P2RY2: variants seen among roughly 807,000 people sequenced by gnomAD.
The protein encoded by P2RY2 is purinergic receptor P2Y2.
For missense variants in P2RY2, 567 were observed against 515.7 expected (o/e 1.10, Z -0.96); for synonymous variants, 241 against 231.9 (o/e 1.04, Z -0.35).
intron 2 of P2RY2, among the ~76,000 whole-genome samples, chr11:73,230,115 A>G (rs1862406218): frequency 6.6e-6 from 1 of 152,008 alleles, no homozygotes; most frequent in Non-Finnish European, 1.5e-5. Context: ...TTAGTCTCGC[A>G]AGGGGGCCTC....
At chr11:73,226,499 G>A (rs1862281781) in intron 1 of P2RY2, among the ~76,000 whole-genome samples, 1 of 152,028 alleles carries the variant, frequency 6.6e-6, no homozygotes, top group Non-Finnish European at 1.5e-5. Flanking sequence ...TTTCCCGTGT[G>A]CACCCACGCC....
At position 73,235,105 on chromosome 11, in the gene P2RY2, T is replaced by C. The variant is rs1591641017; in HGVS notation, c.946T>C (p.Phe316Leu). ...CCTGGCTGGGCAGAGGCTCGTACGC[T>C]TTGCCCGAGATGCCAAGCCACCCAC... The part of the protein sequence containing the change: ...YFLAGQRLVR[F>L]ARDAKPPTGP... The change falls in exon 3 of 3, where the codon TTT becomes CTT. Residue 316 changes from phenylalanine to leucine, a missense_variant. Phe to Leu is a conservative substitution (Grantham distance 22, BLOSUM62 0). Coordinates refer to ENST00000393597, the MANE Select transcript of P2RY2 (RefSeq NM_002564.4). The C allele has an allele frequency of 6.2e-7, 1 of 1,606,706 alleles. No homozygotes were observed. Among genetic ancestry groups the C allele is most frequent in the Non-Finnish European group, 8.5e-7 (1 of 1,178,502 alleles).
chr11:73,234,863 G>T lies in P2RY2; in HGVS notation c.704G>T (p.Gly235Val), dbSNP rs1183252174. The T allele has an allele frequency of 6.2e-7, 1 of 1,610,442 alleles. No homozygotes were observed. The highest frequency in any genetic ancestry group is 1.1e-5 in the South Asian group (1 of 91,076). ...AAGCCAGCCTACGGGACCTCGGGCG[G>T]CCTGCCTAGGGCCAAGCGCAAGTCC... ...LLKPAYGTSG[G>V]LPRAKRKSVR... The change falls in exon 3 of 3, where the codon GGC (glycine) becomes GTC (valine). Residue 235 changes from glycine to valine, a missense_variant. Physicochemically the swap from Gly to Val is moderately radical, Grantham distance 109. Coordinates refer to ENST00000393597, the MANE Select transcript of P2RY2 (RefSeq NM_002564.4).
In P2RY2 at chr11:73,237,628, A is replaced by G. The variant is rs1285588588; in HGVS notation, c.*2335A>G. On this transcript the variant is annotated 3_prime_UTR_variant, in exon 3 of 3. Transcript: ENST00000393597. The stretch of plus-strand genomic sequence containing the variant: ...CAGGCCCGAGCCACTCCACAAGGAC[A>G]CAGGAGGGGCTCGTTCACCATCTAA... 6.6e-6 allele frequency among the ~76,000 whole-genome samples: 1 copy of G among 152,138 alleles called. No individual in the cohort carries two copies. The highest frequency in any genetic ancestry group is 2.4e-5 in the African/African-American group (1 of 41,440).
At position 73,236,983 on chromosome 11, in the gene P2RY2, C is replaced by T. The variant is rs1565147570; in HGVS notation, c.*1690C>T. ...CCTCCTCTCCCTCTGGGAGAGCCCTCGCCCTGTGGCCCACTCTGCCTGCCC... is the reference window on the plus strand; with the variant it reads ...CCTCCTCTCCCTCTGGGAGAGCCCTTGCCCTGTGGCCCACTCTGCCTGCCC... On this transcript the variant is annotated 3_prime_UTR_variant, in exon 3 of 3. Transcript: ENST00000393597. The T allele has an allele frequency of 7.1e-6, 7 of 985,206 alleles. No individual in the cohort carries two copies. Among genetic ancestry groups the T allele is most frequent in the African/African-American group, 1.7e-5 (1 of 57,210 alleles). The allele number at this position is 985,206 out of a possible 1,614,324, so 61.0% of individuals were successfully genotyped here. A position where few individuals can be genotyped will look rare whatever the true frequency, so the allele number is the denominator to read the frequency against.
rs952160657 is a variant in P2RY2 at position 73,238,086 on chromosome 11, G to A, written c.*2793G>A. On this transcript the variant is annotated 3_prime_UTR_variant, in exon 3 of 3. Transcript: ENST00000393597. ...AGCTGCAGACTCAAGGCCAGAGATG[G>A]GCAGGGCTGAGCCCAAGGTCATTCA... Among the ~76,000 whole-genome samples the A allele has an allele frequency of 6.6e-6, 1 of 152,206 alleles. No homozygotes were observed. The highest frequency in any genetic ancestry group is 2.4e-5 in the African/African-American group (1 of 41,440).
rs1780403134 is a variant in P2RY2 at position 73,237,923 on chromosome 11, T to C, written c.*2630T>C. On this transcript the variant is annotated 3_prime_UTR_variant, in exon 3 of 3. Transcript: ENST00000393597. ...CTGCCTGCCCTCAAAATATCTCCTA[T>C]TACCCTCCAATATTCCCTGCCCCCT... 6.6e-6 allele frequency among the ~76,000 whole-genome samples: 1 copy of C among 152,176 alleles called. No homozygotes were observed. The highest frequency in any genetic ancestry group is 2.1e-4 in the South Asian group (1 of 4,824).
At position 73,236,881 on chromosome 11, in the gene P2RY2, A is replaced by G. The variant is rs1862666293; in HGVS notation, c.*1588A>G. Reference sequence around the variant, plus strand: ...GCTGACGTGTGGCGCTCAGCTGGACAGGGCCCCGCCCTAGCCTTTGGAAAG... The same window carrying G: ...GCTGACGTGTGGCGCTCAGCTGGACGGGGCCCCGCCCTAGCCTTTGGAAAG... On this transcript the variant is annotated 3_prime_UTR_variant, in exon 3 of 3. Coordinates refer to ENST00000393597, the MANE Select transcript of P2RY2 (RefSeq NM_002564.4). The G allele has an allele frequency of 1.0e-6, 1 of 985,056 alleles. No homozygotes were observed. The highest frequency in any genetic ancestry group is 1.2e-6 in the Non-Finnish European group (1 of 829,766). 61.0% of individuals were successfully genotyped at this position (985,056 alleles called of 1,614,324 possible).
intron 2 of P2RY2, 110 bp from the exon 3 acceptor site, chr11:73,234,046 T>C: frequency 7.5e-7 from 1 of 1,338,822 alleles, no homozygotes; most frequent in Non-Finnish European, 1.0e-6. Context: ...AGGTTCCAGG[T>C]CCAGATCCAA....
At position 73,236,923 on chromosome 11, in the gene P2RY2, ACAGGCCTCACT is replaced by A. The variant is rs895645502; in HGVS notation, c.*1632_*1642del. ...TTTGGAAAGGGACAGGGCAAAGCTG[ACAGGCCTCACT>A]CTTGATCTCAAGGACAGGGACTCCC... On this transcript the variant is annotated 3_prime_UTR_variant, in exon 3 of 3. Coordinates refer to ENST00000393597, the MANE Select transcript of P2RY2 (RefSeq NM_002564.4). The A allele has an allele frequency of 4.1e-6, 4 of 984,950 alleles. No individual in the cohort carries two copies. The highest frequency in any genetic ancestry group is 6.1e-5 in the Admixed American group (1 of 16,264). The allele number at this position is 984,950 out of a possible 1,614,324, so 61.0% of individuals were successfully genotyped here. A position where few individuals can be genotyped will look rare whatever the true frequency, so the allele number is the denominator to read the frequency against.
At position 73,236,854 on chromosome 11, in the gene P2RY2, G is replaced by A; in HGVS notation, c.*1561G>A. 2.0e-6 allele frequency: 2 copies of A among 985,372 alleles called. No homozygotes were observed. Among genetic ancestry groups the A allele is most frequent in the Non-Finnish European group, 2.4e-6 (2 of 829,904 alleles). The allele number at this position is 985,372 out of a possible 1,614,324, so 61.0% of individuals were successfully genotyped here. On this transcript the variant is annotated 3_prime_UTR_variant, in exon 3 of 3. Transcript: ENST00000393597. ...TTCTGAGTCTAGCCAGGACCACTCT[G>A]GGCTGACGTGTGGCGCTCAGCTGGA... is the stretch of plus-strand genomic sequence containing the variant.
intron 2 of P2RY2, among the ~76,000 whole-genome samples, chr11:73,231,462 CAT>C (rs1862455187): frequency 6.7e-6 from 1 of 149,398 alleles, no homozygotes; most frequent in African/African-American, 2.5e-5. Context: ...GAGGCTGAGA[CAT>C]GAGAATTGCT....
At chr11:73,218,805 C>G (rs986353465) in intron 1 of P2RY2, 2 of 152,578 alleles carry the variant, frequency 1.3e-5, no homozygotes, top group Non-Finnish European at 2.9e-5. Context: ...TGAGCGTCCC[C>G]GTGGCGTGAG....
intron 1 of P2RY2, among the ~76,000 whole-genome samples, chr11:73,224,219 T>C (rs554671607): frequency 1.3e-4 from 20 of 152,168 alleles, no homozygotes; most frequent in African/African-American, 3.1e-4. Flanking sequence ...TTGAAGGACA[T>C]TGGGGAGGAG....
chr11:73,237,404 C>G lies in P2RY2; in HGVS notation c.*2111C>G, dbSNP rs920959071. On this transcript the variant is annotated 3_prime_UTR_variant, in exon 3 of 3. Coordinates refer to ENST00000393597, the MANE Select transcript of P2RY2 (RefSeq NM_002564.4). ...CTGGGATTACAGGTATGCGCCACCA[C>G]ACCTGGCTAATTTTTGTATTTTTAA... 2.4e-4 allele frequency among the ~76,000 whole-genome samples: 37 copies of G among 152,238 alleles called. No homozygotes were observed. The highest frequency in any genetic ancestry group is 8.9e-4 in the African/African-American group (37 of 41,536).
intron 1 of P2RY2, among the ~76,000 whole-genome samples, chr11:73,220,388 T>C (rs1006675008): frequency 6.6e-6 from 1 of 152,208 alleles, no homozygotes; most frequent in African/African-American, 2.4e-5. Flanking sequence ...GGATCAAGTA[T>C]TGCCAAGTGC....
chr11:73,220,338 G>A (rs950976675), intron 1 of P2RY2, among the ~76,000 whole-genome samples: 6 of 152,194 alleles, frequency 3.9e-5, no homozygotes, highest in Middle Eastern at 3.2e-3. Flanking sequence ...TGGTCAGAGC[G>A]GCATTTCAGA....
chr11:73,235,551 C>T lies in P2RY2; in HGVS notation c.*258C>T. On this transcript the variant is annotated 3_prime_UTR_variant, in exon 3 of 3. Coordinates refer to ENST00000393597, the MANE Select transcript of P2RY2 (RefSeq NM_002564.4). ...AAAGGCAAGAGCTCAAGGTCAATGA[C>T]ACCCCTGGCCTGACTCCCATGCAAG... 2.5e-6 allele frequency: 3 copies of T among 1,207,968 alleles called. No homozygotes were observed. The highest frequency in any genetic ancestry group is 1.0e-6 in the Non-Finnish European group (1 of 963,386). 74.8% of individuals were successfully genotyped at this position (1,207,968 alleles called of 1,614,324 possible).
intron 2 of P2RY2, among the ~76,000 whole-genome samples, chr11:73,229,965 G>T (rs1862401681): frequency 6.6e-6 from 1 of 152,036 alleles, no homozygotes; most frequent in Non-Finnish European, 1.5e-5. Context: ...TGTGGGATTT[G>T]ACTAGTGTCT....
Sources: gnomAD v4.1 joint callset for allele counts (sites outside exome capture counted in the v4.1 genomes callset) on GRCh38, gnomAD v4.1.1 for gene constraint, MANE v1.5 for transcripts, NCBI Gene and HGNC (gene_info 2026-07-23, HGNC 2026-07-21) for gene names.